The following CACNG2 variants were observed in gnomAD, a reference collection of about 807,000 sequenced individuals.
CACNG2 encodes the protein voltage-dependent calcium channel gamma-2 subunit.
In CACNG2, 3 loss-of-function variants were observed where a neutral mutation model predicts 25.9. That is an observed-to-expected ratio of 0.12 (90% CI 0.05 to 0.30). The LOEUF (loss-of-function observed/expected upper bound fraction) is 0.30, where lower values mean the gene tolerates loss of function less well. Among genes scored for constraint, CACNG2 ranks in the 10% least tolerant of loss-of-function variants. CACNG2 has a pLI of 1.00. For missense variants in CACNG2, 341 were observed against 432.5 expected (o/e 0.79, Z 1.88); for synonymous variants, 167 against 173.3 (o/e 0.96, Z 0.29).
chr22:36,639,549 G>A (rs1936410671), intron 1 of CACNG2, among the ~76,000 whole-genome samples: 1 of 152,152 alleles, frequency 6.6e-6, no homozygotes. Context: ...GAATGGTACA[G>A]TTTGTCTTTT....
At chr22:36,628,709 G>A (rs368074753) in intron 1 of CACNG2, among the ~76,000 whole-genome samples, 3 of 152,072 alleles carry the variant, frequency 2.0e-5, no homozygotes, top group South Asian at 4.1e-4. Context: ...TGATTGTTTG[G>A]GTTCACTGGC....
intron 1 of CACNG2, among the ~76,000 whole-genome samples, chr22:36,636,724 T>C (rs962844266): frequency 3.3e-5 from 5 of 152,244 alleles, no homozygotes; most frequent in African/African-American, 1.2e-4. Context: ...AAATCTGTAT[T>C]CAAGGAGTTC....
intron 1 of CACNG2, among the ~76,000 whole-genome samples, chr22:36,605,985 GC>G (rs1477883609): frequency 6.6e-6 from 1 of 152,196 alleles, no homozygotes; most frequent in African/African-American, 2.4e-5. Context: ...ATCTTAAGAA[GC>G]CCTGTGGTGT....
chr22:36,690,063 G>A lies in CACNG2; in HGVS notation c.211+12303C>T, dbSNP rs867881884. Reference sequence around the variant, plus strand: ...TCCCTCTGTCTCTGTGAGCTGCTACGCCCTGTCTGCGCTGGTGTCATTTTA... The same window carrying A: ...TCCCTCTGTCTCTGTGAGCTGCTACACCCTGTCTGCGCTGGTGTCATTTTA... On this transcript the variant is annotated intron_variant, in intron 1 of 3. Transcript: ENST00000300105. 1.5e-4 allele frequency among the ~76,000 whole-genome samples: 23 copies of A among 152,348 alleles called. No individual in the cohort carries two copies. The Middle Eastern group carries it at 0.017, about 113-fold the overall frequency.
At chr22:36,636,988 C>T (rs1009441189) in intron 1 of CACNG2, among the ~76,000 whole-genome samples, 11 of 152,202 alleles carry the variant, frequency 7.2e-5, no homozygotes, top group Non-Finnish European at 2.9e-5. Flanking sequence ...GAGAGCAGAG[C>T]AGGTTCTGGC....
intron 1 of CACNG2, among the ~76,000 whole-genome samples, chr22:36,665,864 T>C (rs1936867574): frequency 1.3e-5 from 2 of 152,370 alleles, no homozygotes; most frequent in South Asian, 4.1e-4. Flanking sequence ...ATTCCACTTC[T>C]GGGTATCTAC....
chr22:36,598,955 G>GT (rs1176812365), intron 1 of CACNG2, among the ~76,000 whole-genome samples: 1 of 152,210 alleles, frequency 6.6e-6, no homozygotes, highest in African/African-American at 2.4e-5. Flanking sequence ...TCCAGCCTGG[G>GT]TGACAGAGTG....
chr22:36,610,782 G>A (rs1935928033), intron 1 of CACNG2, among the ~76,000 whole-genome samples: 1 of 152,218 alleles, frequency 6.6e-6, no homozygotes, highest in African/African-American at 2.4e-5. Context: ...CAAGGTCAGG[G>A]AGGCTGAGTT....
At chr22:36,651,224 CTTTTTT>C (rs11411019) in intron 1 of CACNG2, among the ~76,000 whole-genome samples, 5 of 83,112 alleles carry the variant, frequency 6.0e-5, no homozygotes, top group Non-Finnish European at 8.6e-5. Flanking sequence ...CTTCTTCCTC[CTTTTTT>C]TTTTTTTTTT....
At chr22:36,583,254 A>T (rs1935449046) in intron 2 of CACNG2, among the ~76,000 whole-genome samples, 1 of 151,990 alleles carries the variant, frequency 6.6e-6, no homozygotes, top group Non-Finnish European at 1.5e-5. Flanking sequence ...TCAACATGGC[A>T]AAATCCCGTC....
At chr22:36,609,216 C>T (rs556138318) in intron 1 of CACNG2, among the ~76,000 whole-genome samples, 1 of 138,512 alleles carries the variant, frequency 7.2e-6, no homozygotes, top group Non-Finnish European at 1.5e-5. Context: ...TCAGCACCCC[C>T]AGAGCGTGAT....
At chr22:36,679,154 C>T (rs994464481) in intron 1 of CACNG2, among the ~76,000 whole-genome samples, 2 of 92,282 alleles carry the variant, frequency 2.2e-5, no homozygotes, top group Non-Finnish European at 4.4e-5. Context: ...TCCTTCCTTC[C>T]TTCCTTCCTT....
rs6000329 is a variant in CACNG2, at chr22:36,563,172, G to A, written c.*1179C>T. ...TTTCCTTTTTCTTTTGTAAAAAGAA[G>A]CCTTTTTGCAGTGTCATTGTTGAAC... is the stretch of plus-strand genomic sequence containing the variant. On this transcript the variant is annotated 3_prime_UTR_variant, in exon 4 of 4. Coordinates refer to ENST00000300105, the MANE Select transcript of CACNG2 (RefSeq NM_006078.5). Among the ~76,000 whole-genome samples, 96,684 of 151,862 alleles carry A rather than the reference G, an allele frequency of 0.64. 32,605 individuals are homozygous for A. The highest frequency in any genetic ancestry group is 0.87 in the African/African-American group (35,929 of 41,466).
chr22:36,625,171 A>G (rs2145953189), intron 1 of CACNG2, among the ~76,000 whole-genome samples: 1 of 152,252 alleles, frequency 6.6e-6, no homozygotes, highest in South Asian at 2.1e-4. Flanking sequence ...TGGCAGGGGA[A>G]TGCAGGACGT....
intron 1 of CACNG2, among the ~76,000 whole-genome samples, chr22:36,690,194 C>T (rs922045696): frequency 3.5e-4 from 54 of 152,218 alleles, no homozygotes; most frequent in African/African-American, 1.3e-3. Flanking sequence ...GAAACGGCCA[C>T]GCACGGTGGA....
intron 1 of CACNG2, among the ~76,000 whole-genome samples, chr22:36,651,718 G>A (rs1415898020): frequency 6.6e-6 from 1 of 152,082 alleles, no homozygotes; most frequent in Non-Finnish European, 1.5e-5. Flanking sequence ...AACCCCCTGT[G>A]CCTAGAATAG....
At chr22:36,608,462 T>A (rs1935876923) in intron 1 of CACNG2, among the ~76,000 whole-genome samples, 1 of 152,242 alleles carries the variant, frequency 6.6e-6, no homozygotes, top group Non-Finnish European at 1.5e-5. Context: ...TTCTGTTCTC[T>A]CTCTCTCAGT....
In CACNG2 at chr22:36,560,867, GCTATAAAAA is replaced by G. The variant is rs1935015304; in HGVS notation, c.*3475_*3483del. ...AGAAATTCACTGAAGTGAGGACCAA[GCTATAAAAA>G]AAAAAAATCTTTATTTCATGTACCA... On this transcript the variant is annotated 3_prime_UTR_variant, in exon 4 of 4. Transcript: ENST00000300105. 1 of 139,712 alleles carries G rather than the reference GCTATAAAAA, an allele frequency of 7.2e-6. No homozygotes were observed. Among genetic ancestry groups the G allele is most frequent in the South Asian group, 2.2e-4 (1 of 4,558 alleles). 8.7% of individuals were successfully genotyped at this position (139,712 alleles called of 1,614,324 possible).
chr22:36,647,302 A>T (rs1164667578), intron 1 of CACNG2, among the ~76,000 whole-genome samples: 1 of 152,062 alleles, frequency 6.6e-6, no homozygotes, highest in Admixed American at 6.6e-5. Flanking sequence ...GGTTATTTAA[A>T]ATGCAAATCT....
Sources: allele counts gnomAD v4.1 joint callset (sites outside exome capture counted in the v4.1 genomes callset), GRCh38; gene constraint gnomAD v4.1.1; transcripts MANE v1.5; gene names NCBI Gene and HGNC (gene_info 2026-07-23, HGNC 2026-07-21).